CLSTN2: variants seen among roughly 807,000 people sequenced by gnomAD.
The protein encoded by CLSTN2 is calsyntenin-2.
CLSTN2 carries 48 observed loss-of-function variants against 101.2 expected under a neutral mutation model. The ratio of observed to expected loss-of-function variants is 0.47; its 90% CI spans 0.38 to 0.60. The LOEUF (loss-of-function observed/expected upper bound fraction) is 0.60. CLSTN2 is among the 20% of genes least tolerant of loss of function. The pLI is 0.00. For missense variants in CLSTN2, 1,160 were observed against 1,238.2 expected, an observed-to-expected ratio of 0.94 and a Z score of 0.95; for synonymous variants, 481 against 463.6, an observed-to-expected ratio of 1.04 and a Z score of -0.48.
chr3:140,323,072 C>A (rs1051060937), intron 2 of CLSTN2, among the ~76,000 whole-genome samples: 1 of 152,186 alleles, frequency 6.6e-6, no homozygotes, highest in Admixed American at 6.5e-5. Flanking sequence ...GTAGATGCTG[C>A]GCTTGAGAAC....
intron 2 of CLSTN2, among the ~76,000 whole-genome samples, chr3:140,177,843 A>T (rs987986797): frequency 2.0e-5 from 3 of 152,188 alleles, no homozygotes. Context: ...ATGCAGGATT[A>T]TGGTTTATCT....
intron 1 of CLSTN2, among the ~76,000 whole-genome samples, chr3:140,050,572 T>A (rs1560079667): frequency 6.6e-6 from 1 of 152,170 alleles, no homozygotes; most frequent in African/African-American, 2.4e-5. Context: ...ATAGGAATTG[T>A]GACCCTCTGT....
At chr3:140,358,214 T>A (rs1225851767) in intron 2 of CLSTN2, among the ~76,000 whole-genome samples, 1 of 152,022 alleles carries the variant, frequency 6.6e-6, no homozygotes, top group African/African-American at 2.4e-5. Context: ...AAGCCCCCCC[T>A]CCATCTGTCC....
intron 2 of CLSTN2, among the ~76,000 whole-genome samples, chr3:140,392,630 A>G (rs1433788648): frequency 6.6e-6 from 1 of 152,152 alleles, no homozygotes; most frequent in Non-Finnish European, 1.5e-5. Flanking sequence ...TGGCTTCTGC[A>G]CTAAAGAGTG....
At chr3:140,398,164 C>G (rs1179226989) in intron 2 of CLSTN2, among the ~76,000 whole-genome samples, 3 of 152,178 alleles carry the variant, frequency 2.0e-5, no homozygotes, top group African/African-American at 7.2e-5. Context: ...GAAAAAAGGT[C>G]CTAGTTCAGT....
At chr3:140,097,867 T>C (rs1314131527) in intron 1 of CLSTN2, among the ~76,000 whole-genome samples, 1 of 152,188 alleles carries the variant, frequency 6.6e-6, no homozygotes. Flanking sequence ...TGGGCAGCTT[T>C]GATTACATTG....
At chr3:140,087,855 G>A (rs1045341255) in intron 1 of CLSTN2, among the ~76,000 whole-genome samples, 1 of 152,140 alleles carries the variant, frequency 6.6e-6, no homozygotes, top group Non-Finnish European at 1.5e-5. Context: ...GGAGTTTGGG[G>A]CAAAGAGAGA....
At chr3:140,311,628 T>C (rs2087169803) in intron 2 of CLSTN2, among the ~76,000 whole-genome samples, 1 of 152,008 alleles carries the variant, frequency 6.6e-6, no homozygotes, top group African/African-American at 2.4e-5. Flanking sequence ...CTTATTATGT[T>C]TAAGGCACTA....
At chr3:140,514,969 G>A (rs1934889006) in intron 8 of CLSTN2, among the ~76,000 whole-genome samples, 1 of 152,096 alleles carries the variant, frequency 6.6e-6, no homozygotes, top group African/African-American at 2.4e-5. Context: ...TTCTTTGAAA[G>A]TCTGATAAAA....
chr3:139,975,281 G>A (rs975780742), intron 1 of CLSTN2, among the ~76,000 whole-genome samples: 2 of 152,086 alleles, frequency 1.3e-5, no homozygotes, highest in African/African-American at 4.8e-5. Context: ...GCAAAGTGGG[G>A]GGCACTAGGA....
intron 2 of CLSTN2, among the ~76,000 whole-genome samples, chr3:140,356,980 C>T (rs377388781): frequency 5.2e-4 from 79 of 152,110 alleles, no homozygotes; most frequent in African/African-American, 1.8e-3. Context: ...GTGAAGAAAC[C>T]GAGGCTGACA....
intron 1 of CLSTN2, among the ~76,000 whole-genome samples, chr3:140,059,916 G>A (rs182056474): frequency 1.8e-3 from 278 of 152,166 alleles, no homozygotes; most frequent in Non-Finnish European, 2.7e-3. Context: ...CTTAATGATG[G>A]AGTTAAGAAT....
chr3:140,158,035 C>G (rs1448550798), intron 1 of CLSTN2, among the ~76,000 whole-genome samples: 5 of 152,114 alleles, frequency 3.3e-5, no homozygotes, highest in Non-Finnish European at 7.4e-5. Context: ...CCTCAACAGA[C>G]TAGGAATCAA....
chr3:140,419,029 T>C (rs1391985175), intron 4 of CLSTN2, among the ~76,000 whole-genome samples: 2 of 114,484 alleles, frequency 1.7e-5, no homozygotes, highest in Non-Finnish European at 3.3e-5. Context: ...TGGTGGACCT[T>C]TTTTTAAAAA....
chr3:140,070,033 C>G (rs2008364375), intron 1 of CLSTN2, among the ~76,000 whole-genome samples: 1 of 152,202 alleles, frequency 6.6e-6, no homozygotes, highest in African/African-American at 2.4e-5. Context: ...GGAAAGTGCT[C>G]CATAAACCTG....
chr3:140,028,569 T>G (rs967410002), intron 1 of CLSTN2, among the ~76,000 whole-genome samples: 1 of 152,140 alleles, frequency 6.6e-6, no homozygotes, highest in Non-Finnish European at 1.5e-5. Context: ...GGAAAAGGAA[T>G]TTGGGGCAGA....
At chr3:140,051,351 A>G (rs1419196345) in intron 1 of CLSTN2, among the ~76,000 whole-genome samples, 2 of 152,216 alleles carry the variant, frequency 1.3e-5, no homozygotes, top group Non-Finnish European at 2.9e-5. Flanking sequence ...GTAAAATATT[A>G]CAGACTTTTA....
At position 140,419,618 on chromosome 3, in the gene CLSTN2, T is replaced by C. The variant is rs1332076628; in HGVS notation, c.638-1507T>C. Reference sequence around the variant, plus strand: ...ATATGTATATATACATATATACGTGTACGTATATATGTATATATACATATA... The same window carrying C: ...ATATGTATATATACATATATACGTGCACGTATATATGTATATATACATATA... On this transcript the variant is annotated intron_variant, in intron 4 of 16. Coordinates refer to ENST00000458420, the MANE Select transcript of CLSTN2 (RefSeq NM_022131.3). 2.2e-4 allele frequency among the ~76,000 whole-genome samples: 13 copies of C among 59,474 alleles called. 3 individuals are homozygous for C. The highest frequency in any genetic ancestry group is 5.5e-4 in the African/African-American group (3 of 5,494). 39.0% of individuals were successfully genotyped at this position (59,474 alleles called of 152,430 possible). A position where few individuals can be genotyped will look rare whatever the true frequency, so the allele number is the denominator to read the frequency against.
At chr3:140,242,131 C>T (rs1225572816) in intron 2 of CLSTN2, among the ~76,000 whole-genome samples, 1 of 151,972 alleles carries the variant, frequency 6.6e-6, no homozygotes, top group Non-Finnish European at 1.5e-5. Context: ...AGGCTGGTCT[C>T]GAATTCCTGA....
Sources: gnomAD v4.1 joint callset for allele counts (sites outside exome capture counted in the v4.1 genomes callset) on GRCh38, gnomAD v4.1.1 for gene constraint, MANE v1.5 for transcripts, NCBI Gene and HGNC (gene_info 2026-07-23, HGNC 2026-07-21) for gene names.